The following ITSN2 variants were observed in gnomAD, a reference collection of about 807,000 sequenced individuals.
ITSN2 encodes intersectin-2.
ITSN2 carries 156 observed loss-of-function variants against 243.7 expected under a neutral mutation model. The observed-to-expected ratio is 0.64, with a 90% confidence interval of 0.56 to 0.73. The LOEUF (loss-of-function observed/expected upper bound fraction) is 0.73. Among genes scored for constraint, ITSN2 ranks in the 30% least tolerant of loss-of-function variants. ITSN2 has a pLI of 0.00. For missense variants in ITSN2, 1,801 were observed against 1,996.1 expected (o/e 0.90, Z 1.86); for synonymous variants, 703 against 699.9 (o/e 1.00, Z -0.07).
chr2:24,319,718 A>C (rs1275531308), intron 2 of ITSN2, among the ~76,000 whole-genome samples: 1 of 152,206 alleles, frequency 6.6e-6, no homozygotes, highest in East Asian at 1.9e-4. Flanking sequence ...GGCACTATCA[A>C]CCTGTGCCCC....
At chr2:24,309,628 C>A (rs1013647276) in intron 7 of ITSN2, among the ~76,000 whole-genome samples, 1 of 152,212 alleles carries the variant, frequency 6.6e-6, no homozygotes, top group African/African-American at 2.4e-5. Context: ...CTGCTCTGTG[C>A]CAGACCTTAT....
chr2:24,222,069 G>C (rs560020029), intron 29 of ITSN2, among the ~76,000 whole-genome samples: 1 of 152,012 alleles, frequency 6.6e-6, no homozygotes, highest in East Asian at 1.9e-4. Flanking sequence ...TGGCTAACAC[G>C]GTGAAACCCC....
intron 29 of ITSN2, chr2:24,242,221 T>C (rs557166817): frequency 6.6e-6 from 1 of 152,298 alleles, no homozygotes; most frequent in Non-Finnish European, 1.5e-5. Context: ...AAAAAGAAAA[T>C]GAGGAATAAA....
At chr2:24,271,162 G>C (rs1342392495) in intron 19 of ITSN2, among the ~76,000 whole-genome samples, 1 of 152,114 alleles carries the variant, frequency 6.6e-6, no homozygotes, top group Non-Finnish European at 1.5e-5. Context: ...GGTCTCAAAA[G>C]ATAAGAATAG....
intron 1 of ITSN2, among the ~76,000 whole-genome samples, chr2:24,359,138 G>A (rs191999869): frequency 2.6e-5 from 4 of 152,302 alleles, no homozygotes; most frequent in East Asian, 1.9e-4. Context: ...TTTAAATTTG[G>A]AAGGACGTCA....
At chr2:24,292,916 CA>C (rs1385739927) in intron 15 of ITSN2, among the ~76,000 whole-genome samples, 1 of 152,046 alleles carries the variant, frequency 6.6e-6, no homozygotes, top group African/African-American at 2.4e-5. Flanking sequence ...TGTAAACAGC[CA>C]AAACTATAAT....
At chr2:24,344,920 C>T (rs943641639) in intron 1 of ITSN2, among the ~76,000 whole-genome samples, 1 of 152,024 alleles carries the variant, frequency 6.6e-6, no homozygotes, top group East Asian at 1.9e-4. Context: ...CCAGTGCATT[C>T]CAGCCTGGAT....
chr2:24,256,999 A>T (rs1675129316), intron 23 of ITSN2, among the ~76,000 whole-genome samples: 1 of 152,168 alleles, frequency 6.6e-6, no homozygotes, highest in Non-Finnish European at 1.5e-5. Flanking sequence ...GAAAATGAAA[A>T]GTAACTTTTC....
intron 32 of ITSN2, among the ~76,000 whole-genome samples, chr2:24,213,083 G>A (rs907213230): frequency 2.0e-5 from 3 of 151,996 alleles, no homozygotes; most frequent in African/African-American, 7.3e-5. Context: ...CAAGCCCAGC[G>A]GATGCTCCTC....
At chr2:24,220,780 C>T (rs1376064254) in intron 30 of ITSN2, 165 bp downstream of exon 30, 17 of 1,416,604 alleles carry the variant, frequency 1.2e-5, no homozygotes, top group Non-Finnish European at 1.6e-5. Flanking sequence ...CAGGCAGAGA[C>T]AGCATTTGGA....
At chr2:24,311,094 T>TTC (rs371550465) in intron 5 of ITSN2, among the ~76,000 whole-genome samples, 24 of 150,534 alleles carry the variant, frequency 1.6e-4, no homozygotes, top group Admixed American at 8.6e-4. Flanking sequence ...CACATTCTTC[T>TTC]TCTCTCTCTC....
intron 34 of ITSN2, 90 bp downstream of exon 34, chr2:24,210,690 G>T: frequency 8.1e-7 from 1 of 1,239,016 alleles, no homozygotes; most frequent in Non-Finnish European, 1.1e-6. Context: ...GCTGCCTAAG[G>T]TGCAGACTGT....
intron 2 of ITSN2, 148 bp from the exon 3 acceptor site, chr2:24,315,372 C>T (rs1437797166): frequency 4.0e-6 from 2 of 495,124 alleles, no homozygotes; most frequent in South Asian, 3.6e-5. Flanking sequence ...CATAACCATA[C>T]ATAGCACAGC....
chr2:24,262,517 G>A (rs1214588390), intron 20 of ITSN2, among the ~76,000 whole-genome samples: 1 of 152,092 alleles, frequency 6.6e-6, no homozygotes, highest in African/African-American at 2.4e-5. Context: ...TCATCCTACA[G>A]TGTGACATCC....
At chr2:24,282,571 A>G (rs990239106) in intron 17 of ITSN2, among the ~76,000 whole-genome samples, 1 of 152,098 alleles carries the variant, frequency 6.6e-6, no homozygotes, top group Non-Finnish European at 1.5e-5. Context: ...CCGCCTATAG[A>G]CGGCAAACTA....
intron 17 of ITSN2, among the ~76,000 whole-genome samples, chr2:24,280,943 C>T (rs1461462677): frequency 1.2e-4 from 19 of 152,180 alleles, no homozygotes; most frequent in Admixed American, 1.2e-3. Context: ...ACAGAACTAC[C>T]ATTGACCAAA....
At chr2:24,257,171 T>G (rs1675152853) in intron 23 of ITSN2, among the ~76,000 whole-genome samples, 1 of 151,804 alleles carries the variant, frequency 6.6e-6, no homozygotes, top group Non-Finnish European at 1.5e-5. Flanking sequence ...AATTTAAAAA[T>G]AAGCCAGGCA....
rs41281481 is a variant in ITSN2 at position 24,212,730 on chromosome 2, G to A, written c.4009C>T (p.Arg1337Trp). The change falls in exon 33 of 40, where the codon CGG becomes TGG. Residue 1337 changes from arginine (R) to tryptophan (W), a missense_variant. Arg to Trp is a moderately radical substitution (Grantham distance 101). Around this residue, in one of 5 missense-constraint regions of ITSN2, gnomAD observed 928 missense variants for 1,065.4 expected, o/e 0.87. Coordinates refer to ENST00000355123, the MANE Select transcript of ITSN2 (RefSeq NM_006277.3). ...EFLKKLASDPRCKGMPLSSFL... is the reference protein window; with the variant it reads ...EFLKKLASDPWCKGMPLSSFL... ...CTGGAGAGGGGCATTCCTTTACACC[G>A]CGGGTCAGATGCCAGCTTCTGCAAA... 0.043 allele frequency: 68,926 copies of A among 1,613,646 alleles called. 1,776 individuals carry two copies. The highest frequency in any genetic ancestry group is 0.052 in the Non-Finnish European group (60,781 of 1,179,570).
At chr2:24,219,030 C>G (rs1573893353) in intron 30 of ITSN2, among the ~76,000 whole-genome samples, 1 of 152,330 alleles carries the variant, frequency 6.6e-6, no homozygotes, top group African/African-American at 2.4e-5. Flanking sequence ...ACTTCACACT[C>G]CAGTCACCCT....
Sources: allele counts gnomAD v4.1 joint callset (sites outside exome capture counted in the v4.1 genomes callset), GRCh38; gene constraint gnomAD v4.1.1; regional missense constraint gnomAD v4.1.1; transcripts MANE v1.5; gene names NCBI Gene and HGNC (gene_info 2026-07-23, HGNC 2026-07-21).